DDX11: variants seen among roughly 807,000 people sequenced by gnomAD.
DDX11 encodes the protein ATP-dependent DNA helicase DDX11.
In DDX11, 72 loss-of-function variants were observed where a neutral mutation model predicts 125.2. The ratio of observed to expected loss-of-function variants is 0.58; its 90% confidence interval spans 0.48 to 0.70. The LOEUF (loss-of-function observed/expected upper bound fraction) is 0.70, where lower values mean the gene tolerates loss of function less well. Ranked by LOEUF, DDX11 falls within the 30% of genes least tolerant of loss-of-function variation. The probability of loss-of-function intolerance (pLI) is 0.00; values close to 1 mark genes in which losing one functional copy is unlikely to be tolerated. For synonymous variants in DDX11, 347 were observed against 452.6 expected, an observed-to-expected ratio of 0.77 and a Z score of 2.96; for missense variants, 883 against 1,165.0, an observed-to-expected ratio of 0.76 and a Z score of 3.52.
chr12:31,087,853 C>G, intron 5 of DDX11, 85 bp from the exon 6 acceptor site: 1 of 1,528,354 alleles, frequency 6.5e-7, no homozygotes, highest in Non-Finnish European at 8.9e-7. Context: ...GGCCAGGGCT[C>G]AGCACCAGCG....
chr12:31,081,300 C>T (rs1391770428), intron 2 of DDX11, among the ~76,000 whole-genome samples: 1 of 152,176 alleles, frequency 6.6e-6, no homozygotes, highest in Non-Finnish European at 1.5e-5. Context: ...GTCCCGCAGC[C>T]CATAGAAGCA....
At chr12:31,095,710 TCTCCCA>T (rs201146107) in intron 14 of DDX11, among the ~76,000 whole-genome samples, 6,110 of 152,210 alleles carry the variant, frequency 0.04, 173 homozygotes, top group Non-Finnish European at 0.061. Flanking sequence ...TCCCTGCGCT[TCTCCCA>T]CAGCTGGGAC....
rs376819535 is a variant in DDX11 at position 31,103,806 on chromosome 12, G to A, written c.2692-1G>A. ...TTTCTCACTGCCTTCTGTCTGCCCA[G>A]TTTCACCGGGAGAAGTCGGCCTCTT... is the stretch of plus-strand genomic sequence containing the variant. On this transcript the variant is annotated splice_acceptor_variant, in intron 26 of 26. Coordinates refer to ENST00000542838, the MANE Select transcript of DDX11 (RefSeq NM_030653.4). LOFTEE classifies it high-confidence loss of function. The A allele has an allele frequency of 5.9e-5, 95 of 1,613,740 alleles. No homozygotes were observed. Among genetic ancestry groups the A allele is most frequent in the Non-Finnish European group, 7.6e-5 (90 of 1,179,868 alleles).
intron 2 of DDX11, among the ~76,000 whole-genome samples, chr12:31,079,708 C>T (rs1181264002): frequency 1.3e-5 from 2 of 152,270 alleles, no homozygotes; most frequent in East Asian, 1.9e-4. Flanking sequence ...AGGCTGGTCT[C>T]GAACTCAAGC....
In DDX11 at chr12:31,088,287, A is replaced by G. The variant is rs1217744888; in HGVS notation, c.684+304A>G. On this transcript the variant is annotated intron_variant, in intron 6 of 26. Coordinates refer to ENST00000542838, the MANE Select transcript of DDX11 (RefSeq NM_030653.4). ...TCTTGAGTTTGGGGCCTGGGGAGAC[A>G]TCTCCTGGGTTCGGGGCCTGGGGAG... is the stretch of plus-strand genomic sequence containing the variant. Among the ~76,000 whole-genome samples, 5 of 151,246 alleles carry G rather than the reference A, an allele frequency of 3.3e-5. No individual in the cohort carries two copies. In the East Asian group the frequency reaches 9.8e-4, roughly 30 times the overall value.
rs376413296 is a variant in DDX11 at position 31,103,890 on chromosome 12, G to A, written c.*54G>A. Reference sequence around the variant, plus strand: ...TGCCCTTCCTTTGTCCTGCCCGCTGGAGACAGTGTTTGTCGTGGGCGTGGT... The same window carrying A: ...TGCCCTTCCTTTGTCCTGCCCGCTGAAGACAGTGTTTGTCGTGGGCGTGGT... On this transcript the variant is annotated 3_prime_UTR_variant, in exon 27 of 27. Transcript: ENST00000542838. 3.1e-6 allele frequency: 5 copies of A among 1,613,838 alleles called. No individual in the cohort carries two copies. The African/African-American group carries it at 6.7e-5, about 22-fold the overall frequency.
chr12:31,085,888 G>A, intron 5 of DDX11: 1 of 370,710 alleles, frequency 2.7e-6, no homozygotes. Context: ...ATGGGGTGGG[G>A]GGCTGCACCT....
chr12:31,088,099 A>C, intron 6 of DDX11, 116 bp downstream of exon 6: 2 of 1,472,008 alleles, frequency 1.4e-6, no homozygotes, highest in Non-Finnish European at 1.9e-6. Flanking sequence ...ACAAAGGAGG[A>C]GCTTCCAGCA....
At chr12:31,090,230 T>C (rs1304221388) in intron 9 of DDX11, 136 bp downstream of exon 9, 1 of 854,644 alleles carries the variant, frequency 1.2e-6, no homozygotes, top group Non-Finnish European at 1.9e-6. Flanking sequence ...ACCCATTCTC[T>C]CCTGATGTGT....
chr12:31,084,227 T>G (rs1942602364), intron 3 of DDX11, among the ~76,000 whole-genome samples, 166 bp downstream of exon 3: 1 of 152,210 alleles, frequency 6.6e-6, no homozygotes, highest in Admixed American at 6.5e-5. Flanking sequence ...CTGTGCTGTC[T>G]TTTTTGAGCT....
chr12:31,092,298 T>A (rs1166953640), intron 10 of DDX11, among the ~76,000 whole-genome samples: 1 of 152,128 alleles, frequency 6.6e-6, no homozygotes, highest in East Asian at 1.9e-4. Context: ...CAGGTGTCTC[T>A]GGTCTTCACG....
intron 8 of DDX11, 166 bp downstream of exon 8, chr12:31,089,656 G>A (rs1943832613): frequency 5.6e-6 from 6 of 1,067,056 alleles, no homozygotes; most frequent in Non-Finnish European, 8.5e-6. Context: ...TACTCTCTGG[G>A]TCAGTGTCTG....
chr12:31,094,755 G>A lies in DDX11; in HGVS notation c.1415G>A (p.Gly472Glu). ...NPNTQSLSQTGTELKTINDFL... is the reference protein window; with the variant it reads ...NPNTQSLSQTETELKTINDFL... ...AGGCCCTTCATGTGTTTGTTCTCAGGGACGGAGCTGAAGACCATCAACGAC... is the reference window on the plus strand; with the variant it reads ...AGGCCCTTCATGTGTTTGTTCTCAGAGACGGAGCTGAAGACCATCAACGAC... Residue 472 changes from glycine to glutamate, a missense_variant and splice_region_variant, in exon 14 of 27, where the codon GGG becomes GAG. Coordinates refer to ENST00000542838, the MANE Select transcript of DDX11 (RefSeq NM_030653.4). The A allele has an allele frequency of 6.2e-7, 1 of 1,612,484 alleles. No homozygotes were observed. The highest frequency in any genetic ancestry group is 2.2e-5 in the East Asian group (1 of 44,852).
In DDX11 at chr12:31,084,080, G is replaced by A. The variant is rs573820581; in HGVS notation, c.393+19G>A. 91 of 1,613,444 alleles carry A rather than the reference G, an allele frequency of 5.6e-5. No homozygotes were observed. The East Asian group carries it at 1.2e-3, about 22-fold the overall frequency. Reference sequence around the variant, plus strand: ...ACTAAAGGTGAGACCTGGGGTATCCGGAAGTGGGAGTACTGGAGGAAACAG... The same window carrying A: ...ACTAAAGGTGAGACCTGGGGTATCCAGAAGTGGGAGTACTGGAGGAAACAG... On this transcript the variant is annotated intron_variant, in intron 3 of 26. Coordinates refer to ENST00000542838, the MANE Select transcript of DDX11 (RefSeq NM_030653.4).
At chr12:31,080,955 C>T (rs2432998) in intron 2 of DDX11, among the ~76,000 whole-genome samples, 1 of 152,122 alleles carries the variant, frequency 6.6e-6, no homozygotes, top group South Asian at 2.1e-4. Context: ...CTGCTCAGGC[C>T]GGTGGTCTTA....
rs1174589741 is a variant in DDX11 at position 31,091,841 on chromosome 12, C to T, written c.1212C>T (p.Gly404=). 4 of 1,613,862 alleles carry T rather than the reference C, an allele frequency of 2.5e-6. No individual in the cohort carries two copies. In the Admixed American group the frequency reaches 5.0e-5, roughly 20 times the overall value. ...EAHNLIDTIT[G]MHSVEVSGSQ... ...ACAACCTGATCGACACCATCACGGG[C>T]ATGCACAGCGTGGAGGTCAGCGGCT... Residue 404 remains glycine (G), a synonymous_variant, in exon 10 of 27, where the codon GGC becomes GGT. Transcript: ENST00000542838.
intron 24 of DDX11, 63 bp downstream of exon 24, chr12:31,103,083 C>A: frequency 1.3e-6 from 2 of 1,567,988 alleles, no homozygotes; most frequent in Non-Finnish European, 1.8e-6. Context: ...AGTGGCATCA[C>A]CCCCAGGGCT....
intron 14 of DDX11, 98 bp downstream of exon 14, chr12:31,094,920 C>T: frequency 2.3e-6 from 3 of 1,332,490 alleles, no homozygotes; most frequent in Non-Finnish European, 3.2e-6. Flanking sequence ...GAAGAAAAAG[C>T]AAAACAGATG....
At chr12:31,096,169 G>C (rs1479497217) in intron 14 of DDX11, among the ~76,000 whole-genome samples, 172 bp from the exon 15 acceptor site, 1 of 151,938 alleles carries the variant, frequency 6.6e-6, no homozygotes, top group South Asian at 2.1e-4. Flanking sequence ...AGAGGAGGGG[G>C]TGGCCTCGGA....
Sources: allele counts gnomAD v4.1 joint callset (sites outside exome capture counted in the v4.1 genomes callset), GRCh38; gene constraint gnomAD v4.1.1; transcripts MANE v1.5; gene names NCBI Gene and HGNC (gene_info 2026-07-23, HGNC 2026-07-21).